MID1: variants seen among roughly 807,000 people sequenced by gnomAD.
MID1 encodes E3 ubiquitin-protein ligase Midline-1.
In MID1, 7 loss-of-function variants were observed where a neutral mutation model predicts 40.4. That is an observed-to-expected ratio of 0.17 (90% CI 0.10 to 0.33). MID1 has a LOEUF of 0.33. Ranked by LOEUF, MID1 falls within the 10% of genes least tolerant of loss-of-function variation. The pLI, the probability that MID1 is intolerant of heterozygous loss-of-function variation, is 1.00. For synonymous variants in MID1, 229 were observed against 221.2 expected, an observed-to-expected ratio of 1.04 and a Z score of -0.31; for missense variants, 367 against 558.5, an observed-to-expected ratio of 0.66 and a Z score of 3.46.
At chrX:10,797,845 T>A (rs2043977655) in intron 1 of MID1, among the ~76,000 whole-genome samples, 1 of 111,732 alleles carries the variant, frequency 8.9e-6, no homozygotes, top group African/African-American at 3.3e-5. Flanking sequence ...TTGTTACTCC[T>A]TAAAAATCTC....
chrX:10,568,558 C>T lies in MID1; in HGVS notation c.-56-955G>A, dbSNP rs1219853249. On this transcript the variant is annotated intron_variant, in intron 1 of 9. Coordinates refer to ENST00000317552, the MANE Select transcript of MID1 (RefSeq NM_000381.4). ...GACCCTTTTGGCCAAAAAACTCCCA[C>T]CACGGGCTTGTCACTGTTGCCAGCA... 6.3e-5 allele frequency among the ~76,000 whole-genome samples: 7 copies of T among 111,271 alleles called. No homozygotes were observed. The South Asian group carries it at 2.7e-3, about 43-fold the overall frequency.
At chrX:10,465,503 C>A (rs1429999660) in intron 7 of MID1, among the ~76,000 whole-genome samples, 1 of 109,898 alleles carries the variant, frequency 9.1e-6, no homozygotes, top group Admixed American at 9.8e-5. Flanking sequence ...ATGACAAAGG[C>A]GAAGGCGAAG....
chrX:10,447,895 A>G lies in MID1; in HGVS notation c.*1473T>C, dbSNP rs1928106278. On this transcript the variant is annotated 3_prime_UTR_variant, in exon 10 of 10. Transcript: ENST00000317552. ...CTAAATCCACTAGTCTGCTCAGTCA[A>G]AATGGCTGACCCAGTATCCCAGGTA... 1 of 112,309 alleles carries G rather than the reference A, an allele frequency of 8.9e-6. No individual in the cohort carries two copies. The highest frequency in any genetic ancestry group is 1.9e-5 in the Non-Finnish European group (1 of 53,301). 9.3% of individuals were successfully genotyped at this position (112,309 alleles called of 1,213,427 possible). A position where few individuals can be genotyped will look rare whatever the true frequency, so the allele number is the denominator to read the frequency against.
intron 9 of MID1, 126 bp from the exon 10 acceptor site, chrX:10,449,842 G>C (rs1012472613): frequency 1.8e-6 from 1 of 568,023 alleles, no homozygotes; most frequent in Non-Finnish European, 3.0e-6. Flanking sequence ...TTTTCTTTAA[G>C]TGAAAGCTTG....
At chrX:10,769,543 G>C (rs139039872) in intron 1 of MID1, among the ~76,000 whole-genome samples, 75 of 111,934 alleles carry the variant, frequency 6.7e-4, no homozygotes, top group African/African-American at 2.3e-3. Flanking sequence ...CATTTCCACT[G>C]GGACCCATTT....
chrX:10,632,399 A>T (rs368117285), intron 1 of MID1, among the ~76,000 whole-genome samples: 1 of 111,816 alleles, frequency 8.9e-6, no homozygotes, highest in Non-Finnish European at 1.9e-5. Flanking sequence ...AAGAGATTTA[A>T]AAGATACGGG....
At position 10,469,800 on chromosome X, in the gene MID1, A is replaced by T; in HGVS notation, c.1182T>A (p.Ala394=). ...PPTIREELCT[A]SYDTITVHWT... ...AATGCACAGTGATGGTGTCATATGA[A>T]GCTGTGCAGAGCTCTTCTCTAATTG... is the stretch of plus-strand genomic sequence containing the variant. The change falls in exon 7 of 10, where the codon GCT becomes GCA. Residue 394 remains alanine (A), a synonymous_variant. Transcript: ENST00000317552. 8.3e-7 allele frequency: 1 copy of T among 1,210,958 alleles called. No individual in the cohort carries two copies. The highest frequency in any genetic ancestry group is 1.8e-5 in the South Asian group (1 of 56,914).
chrX:10,821,585 C>T (rs1189226506), intron 1 of MID1, among the ~76,000 whole-genome samples: 1 of 112,201 alleles, frequency 8.9e-6, no homozygotes, highest in Non-Finnish European at 1.9e-5. Context: ...CACTTTTGTG[C>T]TGTTTGCTCC....
At position 10,495,598 on chromosome X, in the gene MID1, T is replaced by C. The variant is rs1171594481; in HGVS notation, c.850A>G (p.Ile284Val). ...AGAAATCATACCTTCCCTTCTTTGA[T>C]CTTGGTTCCAATAATCTGTCGTCTT... ...QQRRQIIGTK[I>V]KEGKVMRLRK... The change falls in exon 4 of 10, where the codon ATC becomes GTC. Residue 284 changes from isoleucine (I) to valine (V), a missense_variant. Around this residue, in one of 3 missense-constraint regions of MID1, gnomAD observed 275 missense variants for 383.1 expected, o/e 0.72. Coordinates refer to ENST00000317552, the MANE Select transcript of MID1 (RefSeq NM_000381.4). 1 of 1,199,873 alleles carries C rather than the reference T, an allele frequency of 8.3e-7. No individual in the cohort carries two copies. The highest frequency in any genetic ancestry group is 1.1e-6 in the Non-Finnish European group (1 of 886,061).
intron 4 of MID1, among the ~76,000 whole-genome samples, chrX:10,489,915 T>A: frequency 9.0e-6 from 1 of 110,992 alleles, no homozygotes; most frequent in Non-Finnish European, 1.9e-5. Flanking sequence ...CAGGATGGTC[T>A]CGATCTCCTG....
rs1218355747 is a variant in MID1, at chrX:10,553,271, A to AAAT, written c.660+13616_660+13617insATT. On this transcript the variant is annotated intron_variant, in intron 2 of 9. Transcript: ENST00000317552. Reference sequence around the variant, plus strand: ...TAAAAAAAAAAAAAGAAATAAAAAAAATATATATATATATGTATACACACA... The same window carrying AAAT: ...TAAAAAAAAAAAAAGAAATAAAAAAAAATATATATATATATATGTATACACACA... Among the ~76,000 whole-genome samples the AAAT allele has an allele frequency of 4.5e-3, 479 of 107,273 alleles. 1 individual carries two copies. The highest frequency in any genetic ancestry group is 0.015 in the African/African-American group (443 of 28,890). The allele number at this position is 107,273 out of a possible 115,157, so 93.2% of individuals were successfully genotyped here.
rs141465838 is a variant in MID1, at chrX:10,550,294, C to T, written c.660+16594G>A. On this transcript the variant is annotated intron_variant, in intron 2 of 9. Coordinates refer to ENST00000317552, the MANE Select transcript of MID1 (RefSeq NM_000381.4). ...GGTAGTCCTGAAAATAAGCTGCAAA[C>T]ACTAGGAAATCTAGGGGATAGCAGA... Among the ~76,000 whole-genome samples, 693 of 112,435 alleles carry T rather than the reference C, an allele frequency of 6.2e-3. 6 individuals are homozygous for T. Among genetic ancestry groups the T allele is most frequent in the African/African-American group, 0.021 (655 of 30,952 alleles).
At chrX:10,524,888 G>A (rs780277074) in intron 2 of MID1, among the ~76,000 whole-genome samples, 13 of 112,053 alleles carry the variant, frequency 1.2e-4, no homozygotes, top group Non-Finnish European at 3.8e-5. Flanking sequence ...TCCATGGGCA[G>A]GGAATAGAAC....
chrX:10,559,663 T>C (rs1177736547), intron 2 of MID1, among the ~76,000 whole-genome samples: 1 of 111,568 alleles, frequency 9.0e-6, no homozygotes, highest in Non-Finnish European at 1.9e-5. Flanking sequence ...TGGGAAGCCT[T>C]TCTCCATCTC....
At chrX:10,799,364 T>C (rs1291246172) in intron 1 of MID1, among the ~76,000 whole-genome samples, 1 of 112,275 alleles carries the variant, frequency 8.9e-6, no homozygotes, top group Non-Finnish European at 1.9e-5. Context: ...AAGTAATCAA[T>C]TACTGTGTAG....
At chrX:10,589,268 G>A (rs1307006754) in intron 1 of MID1, among the ~76,000 whole-genome samples, 1 of 111,864 alleles carries the variant, frequency 8.9e-6, no homozygotes, top group African/African-American at 3.3e-5. Context: ...CACCGTGGGT[G>A]ATCAGGCCAT....
chrX:10,748,354 G>A (rs1375012890), intron 1 of MID1, among the ~76,000 whole-genome samples: 6 of 111,888 alleles, frequency 5.4e-5, no homozygotes. Flanking sequence ...ATACTTTGTG[G>A]AGTCTGAAAT....
At chrX:10,605,676 G>A (rs1005034955) in intron 1 of MID1, among the ~76,000 whole-genome samples, 2 of 111,555 alleles carry the variant, frequency 1.8e-5, no homozygotes, top group Non-Finnish European at 3.8e-5. Flanking sequence ...TATTTGCCAT[G>A]CTATGAAACT....
chrX:10,731,966 CAAAAAAAAAAAAAA>C (rs754605735), intron 1 of MID1, among the ~76,000 whole-genome samples: 1 of 26,655 alleles, frequency 3.8e-5, no homozygotes, highest in Non-Finnish European at 8.7e-5. Flanking sequence ...GAATCTATCA[CAAAAAAAAAAAAAA>C]AAAAAAAAAA....
Sources: gnomAD v4.1 joint callset for allele counts (sites outside exome capture counted in the v4.1 genomes callset) on GRCh38, gnomAD v4.1.1 for gene constraint, gnomAD v4.1.1 regional missense constraint, MANE v1.5 for transcripts, NCBI Gene and HGNC (gene_info 2026-07-23, HGNC 2026-07-21) for gene names.